CFDP1: variants seen among roughly 807,000 people sequenced by gnomAD.
CFDP1 encodes the protein chromatin remodeling protein CFDP1.
In CFDP1, 31 loss-of-function variants were observed where a neutral mutation model predicts 40.1. The ratio of observed to expected loss-of-function variants is 0.77; its 90% CI spans 0.58 to 1.04. The LOEUF (loss-of-function observed/expected upper bound fraction) is 1.04, where lower values mean the gene tolerates loss of function less well. Among genes scored for constraint, CFDP1 ranks in the 50% least tolerant of loss-of-function variants. The pLI is 0.00. For synonymous variants in CFDP1, 167 were observed against 120.0 expected, an observed-to-expected ratio of 1.39 and a Z score of -2.56; for missense variants, 423 against 343.4, an observed-to-expected ratio of 1.23 and a Z score of -1.83.
At chr16:75,329,349 T>C (rs527913365) in intron 5 of CFDP1, among the ~76,000 whole-genome samples, 10 of 152,342 alleles carry the variant, frequency 6.6e-5, no homozygotes, top group African/African-American at 1.9e-4. Flanking sequence ...TTTAAAGTGA[T>C]TGCCCCTGGC....
intron 4 of CFDP1, among the ~76,000 whole-genome samples, chr16:75,400,913 G>C (rs143750944): frequency 1.3e-5 from 2 of 152,132 alleles, no homozygotes; most frequent in Admixed American, 6.5e-5. Context: ...AGAAAATAGG[G>C]GGAAGTTGTC....
Position 75,395,196 on chromosome 16 carries a change from C to T in CFDP1, c.544G>A (p.Val182Met), listed in dbSNP as rs750990808. Reference protein sequence around the residue: ...AGEEVRVTKEVDATSKEAKSF... With the variant: ...AGEEVRVTKEMDATSKEAKSF... ...TTGGCCTCTTTAGATGTAGCATCCA[C>T]TTCCTTAGTTACCCTGTGCCAAGGA... Residue 182 changes from valine (V) to methionine (M), a missense_variant, in exon 5 of 7, where the codon GTG becomes ATG. Physicochemically the swap from Val to Met is conservative, Grantham distance 21 (BLOSUM62 1). Transcript: ENST00000283882. The T allele has an allele frequency of 5.6e-6, 9 of 1,613,366 alleles. No homozygotes were observed. In the African/African-American group the frequency reaches 9.4e-5, roughly 17 times the overall value.
intron 4 of CFDP1, among the ~76,000 whole-genome samples, chr16:75,409,906 A>T (rs2079141585): frequency 6.6e-6 from 1 of 152,040 alleles, no homozygotes; most frequent in African/African-American, 2.4e-5. Flanking sequence ...AATAATAAAA[A>T]GTTTTGTTCC....
At chr16:75,395,343 A>T (rs1289904101) in intron 4 of CFDP1, 134 bp from the exon 5 acceptor site, 4 of 923,794 alleles carry the variant, frequency 4.3e-6, no homozygotes. Context: ...CATTATGATA[A>T]AAGTTTACTA....
At chr16:75,352,007 CAAAA>C (rs3975153) in intron 5 of CFDP1, among the ~76,000 whole-genome samples, 93 of 86,754 alleles carry the variant, frequency 1.1e-3, no homozygotes, top group African/African-American at 4.6e-3. Flanking sequence ...GACTCTGTCT[CAAAA>C]AAAAAAAAAA....
chr16:75,406,640 G>C (rs2079101907), intron 4 of CFDP1: 1 of 152,116 alleles, frequency 6.6e-6, no homozygotes, highest in Admixed American at 6.6e-5. Flanking sequence ...GGCATAGGTT[G>C]TGATGAGCCG....
At chr16:75,405,680 G>T (rs958555272) in intron 4 of CFDP1, among the ~76,000 whole-genome samples, 4 of 151,578 alleles carry the variant, frequency 2.6e-5, no homozygotes, top group Non-Finnish European at 5.9e-5. Flanking sequence ...GAACCAAGGA[G>T]GTAAAGTTGC....
intron 1 of CFDP1, among the ~76,000 whole-genome samples, chr16:75,428,450 T>C (rs1270571837): frequency 1.3e-5 from 2 of 151,432 alleles, no homozygotes; most frequent in African/African-American, 4.9e-5. Flanking sequence ...CCCGTCTCTA[T>C]TAAAATACAA....
rs1567639347 is a variant in CFDP1 at position 75,303,405 on chromosome 16, ATG to A, written c.809+1617_809+1618del. On this transcript the variant is annotated intron_variant, in intron 6 of 6. Transcript: ENST00000283882. Reference sequence around the variant, plus strand: ...AATAAATAAATAAATAAATAAATGTATGTATGTATGTATGTATGTATGTTTAG... The same window carrying A: ...AATAAATAAATAAATAAATAAATGTATATGTATGTATGTATGTATGTTTAG... 2.6e-3 allele frequency among the ~76,000 whole-genome samples: 381 copies of A among 147,384 alleles called. 2 individuals are homozygous for A. The highest frequency in any genetic ancestry group is 9.5e-3 in the African/African-American group (357 of 37,660).
chr16:75,375,054 T>C (rs970024110), intron 5 of CFDP1, among the ~76,000 whole-genome samples: 14 of 106,432 alleles, frequency 1.3e-4, no homozygotes, highest in African/African-American at 2.8e-5. Flanking sequence ...CTTCTATGTT[T>C]CTAAAAAAAA....
chr16:75,420,749 G>GA (rs1426248491), intron 1 of CFDP1, among the ~76,000 whole-genome samples: 2 of 152,022 alleles, frequency 1.3e-5, no homozygotes, highest in African/African-American at 2.4e-5. Flanking sequence ...GCAGGCTGAG[G>GA]AAAAAATACA....
chr16:75,410,334 T>C lies in CFDP1; in HGVS notation c.530+1491A>G, dbSNP rs8058622. On this transcript the variant is annotated intron_variant, in intron 4 of 6. Transcript: ENST00000283882. ...AATCTGCTATTTTCACATAATAAAA[T>C]TGAAATAAATGGGGGAAGGGAAATT... Among the ~76,000 whole-genome samples the C allele has an allele frequency of 4.9e-3, 742 of 152,180 alleles. 31 individuals are homozygous for C. Among genetic ancestry groups the C allele is most frequent in the Admixed American group, 0.046 (699 of 15,262 alleles).
At chr16:75,350,350 G>A (rs1288087089) in intron 5 of CFDP1, among the ~76,000 whole-genome samples, 1 of 152,104 alleles carries the variant, frequency 6.6e-6, no homozygotes, top group East Asian at 1.9e-4. Context: ...TATCCAACCA[G>A]CAAGGTATGA....
intron 1 of CFDP1, among the ~76,000 whole-genome samples, chr16:75,418,211 C>G (rs2079230588): frequency 6.9e-6 from 1 of 145,804 alleles, no homozygotes; most frequent in South Asian, 2.2e-4. Flanking sequence ...TGAGATACAC[C>G]ACTGCACTCC....
intron 6 of CFDP1, among the ~76,000 whole-genome samples, chr16:75,303,400 A>ATGTATGTATGTATGTATGTATGTATGT (rs1555552218): frequency 2.7e-5 from 4 of 146,246 alleles, no homozygotes; most frequent in African/African-American, 7.7e-5. Flanking sequence ...TAAATAAATA[A>ATGTATGTATGTATGTATGTATGTATGT]ATGTATGTAT....
chr16:75,433,230 G>A, intron 1 of CFDP1, 59 bp downstream of exon 1: 1 of 1,498,726 alleles, frequency 6.7e-7, no homozygotes, highest in Non-Finnish European at 9.0e-7. Context: ...GGCAGAGCGC[G>A]CCTCACGTGA....
At chr16:75,336,584 C>A (rs1261892188) in intron 5 of CFDP1, among the ~76,000 whole-genome samples, 1 of 152,244 alleles carries the variant, frequency 6.6e-6, no homozygotes, top group Non-Finnish European at 1.5e-5. Context: ...CTTCACTATT[C>A]TGCTCCTAGC....
rs150116845 is a variant in CFDP1, at chr16:75,344,331, G to C, written c.651-39149C>G. 6.5e-3 allele frequency among the ~76,000 whole-genome samples: 984 copies of C among 152,212 alleles called. 7 individuals carry two copies. Among genetic ancestry groups the C allele is most frequent in the Middle Eastern group, 0.017 (5 of 294 alleles). ...GCCACTGAATTGTACACTTTAAAAT[G>C]GTTAATTTTATGTTAGGTGTATTTC... On this transcript the variant is annotated intron_variant, in intron 5 of 6. Coordinates refer to ENST00000283882, the MANE Select transcript of CFDP1 (RefSeq NM_006324.3).
Position 75,293,728 on chromosome 16 carries a change from C to T in CFDP1, c.*224G>A, listed in dbSNP as rs142894273. On this transcript the variant is annotated 3_prime_UTR_variant, in exon 7 of 7. Coordinates refer to ENST00000283882, the MANE Select transcript of CFDP1 (RefSeq NM_006324.3). ...GAGGTCGTCATCTTCATTATCCTCT[C>T]ACAGGACCAACTTTTATTTTATTTA... is the stretch of plus-strand genomic sequence containing the variant. 848 of 518,406 alleles carry T rather than the reference C, an allele frequency of 1.6e-3. 8 individuals are homozygous for T. The highest frequency in any genetic ancestry group is 0.016 in the African/African-American group (805 of 51,832). 32.1% of individuals were successfully genotyped at this position (518,406 alleles called of 1,614,324 possible).
Sources: allele counts gnomAD v4.1 joint callset (sites outside exome capture counted in the v4.1 genomes callset), GRCh38; gene constraint gnomAD v4.1.1; transcripts MANE v1.5; gene names NCBI Gene and HGNC (gene_info 2026-07-23, HGNC 2026-07-21).